The following SGCZ variants were observed in gnomAD, a reference collection of about 807,000 sequenced individuals.
SGCZ encodes the protein sarcoglycan zeta.
In SGCZ, 40 loss-of-function variants were observed where a neutral mutation model predicts 41.3. That is an observed-to-expected ratio of 0.97 (90% CI 0.75 to 1.26). SGCZ has a LOEUF of 1.26. Ranked by LOEUF, SGCZ falls within the 50% of genes most tolerant of loss-of-function variation. The pLI is 0.00. For missense variants in SGCZ, 552 were observed against 369.8 expected (o/e 1.49, Z -4.04); for synonymous variants, 206 against 137.5 (o/e 1.50, Z -3.49).
chr8:14,722,868 A>T (rs1471023066), intron 1 of SGCZ, among the ~76,000 whole-genome samples: 1 of 152,212 alleles, frequency 6.6e-6, no homozygotes, highest in Non-Finnish European at 1.5e-5. Flanking sequence ...ATGTGTGTAA[A>T]GTCGGAAATA....
At chr8:14,541,971 T>C (rs1318075535) in intron 2 of SGCZ, among the ~76,000 whole-genome samples, 1 of 152,174 alleles carries the variant, frequency 6.6e-6, no homozygotes, top group Non-Finnish European at 1.5e-5. Flanking sequence ...CACTTTTTGA[T>C]GAGGCTTTTT....
intron 7 of SGCZ, among the ~76,000 whole-genome samples, chr8:14,092,127 T>G (rs1006491049): frequency 6.6e-6 from 1 of 152,102 alleles, no homozygotes; most frequent in African/African-American, 2.4e-5. Flanking sequence ...CAGATGGTTG[T>G]AGATATCTAG....
rs151134428 is a variant in SGCZ, at chr8:14,721,558, A to G, written c.40-166632T>C. Among the ~76,000 whole-genome samples the G allele has an allele frequency of 2.8e-3, 420 of 152,290 alleles. 2 individuals are homozygous for G. Among genetic ancestry groups the G allele is most frequent in the Non-Finnish European group, 1.6e-3 (112 of 68,022 alleles). ...TAAATCCCACTGGCCTTTAAAGTAT[A>G]CACAGAATCCGTCTACTTCTCACCA... is the stretch of plus-strand genomic sequence containing the variant. On this transcript the variant is annotated intron_variant, in intron 1 of 7. Coordinates refer to ENST00000382080, the MANE Select transcript of SGCZ (RefSeq NM_139167.4).
chr8:14,950,504 C>T (rs1800598027), intron 1 of SGCZ, among the ~76,000 whole-genome samples: 5 of 152,016 alleles, frequency 3.3e-5, no homozygotes, highest in Admixed American at 3.3e-4. Flanking sequence ...ATATCTTTAA[C>T]TGTTGATAAT....
At chr8:14,678,971 C>A (rs1342232050) in intron 1 of SGCZ, among the ~76,000 whole-genome samples, 1 of 152,150 alleles carries the variant, frequency 6.6e-6, no homozygotes, top group Non-Finnish European at 1.5e-5. Context: ...AGCATACCAA[C>A]ATTTCAGTCA....
At chr8:15,047,781 A>G (rs1296474059) in intron 1 of SGCZ, among the ~76,000 whole-genome samples, 3 of 152,010 alleles carry the variant, frequency 2.0e-5, no homozygotes, top group Non-Finnish European at 4.4e-5. Context: ...CAATTATATA[A>G]CTTTTATCAT....
At chr8:14,265,928 A>C (rs2117248541) in intron 3 of SGCZ, among the ~76,000 whole-genome samples, 1 of 152,086 alleles carries the variant, frequency 6.6e-6, no homozygotes, top group African/African-American at 2.4e-5. Context: ...GAAAACACAC[A>C]GTCAGAAAAA....
chr8:15,003,609 G>A (rs1028166697), intron 1 of SGCZ, among the ~76,000 whole-genome samples: 5 of 152,144 alleles, frequency 3.3e-5, no homozygotes, highest in East Asian at 3.9e-4. Context: ...TACACAAATA[G>A]CACGTCAAAT....
chr8:14,223,780 T>A (rs1478721768), intron 4 of SGCZ, among the ~76,000 whole-genome samples: 1 of 152,168 alleles, frequency 6.6e-6, no homozygotes, highest in South Asian at 2.1e-4. Context: ...CTTTGGATAA[T>A]CATTCACACC....
chr8:14,102,852 C>T (rs937615495), intron 6 of SGCZ, among the ~76,000 whole-genome samples: 1 of 151,984 alleles, frequency 6.6e-6, no homozygotes, highest in Non-Finnish European at 1.5e-5. Flanking sequence ...TAATAACTTA[C>T]CAGTATATAA....
chr8:15,100,646 C>T (rs61693777), intron 1 of SGCZ, among the ~76,000 whole-genome samples: 1,997 of 152,186 alleles, frequency 0.013, 41 homozygotes, highest in African/African-American at 0.046. Flanking sequence ...CAACACAATA[C>T]TGAAGGAAAA....
intron 1 of SGCZ, among the ~76,000 whole-genome samples, chr8:15,164,157 C>T (rs1377840183): frequency 6.6e-6 from 1 of 152,160 alleles, no homozygotes; most frequent in Non-Finnish European, 1.5e-5. Flanking sequence ...GACAAAGAAC[C>T]GTGTCTTCAG....
At chr8:14,846,991 G>A (rs535895724) in intron 1 of SGCZ, among the ~76,000 whole-genome samples, 1 of 152,174 alleles carries the variant, frequency 6.6e-6, no homozygotes, top group East Asian at 1.9e-4. Flanking sequence ...AGAATTGCTT[G>A]AACCTGGGAG....
chr8:14,788,436 C>G (rs1800842947), intron 1 of SGCZ, among the ~76,000 whole-genome samples: 2 of 152,098 alleles, frequency 1.3e-5, no homozygotes, highest in South Asian at 4.1e-4. Flanking sequence ...TCAAATGACA[C>G]AAAAAGTGGA....
intron 4 of SGCZ, among the ~76,000 whole-genome samples, chr8:14,179,410 C>T (rs976441296): frequency 3.3e-5 from 5 of 152,154 alleles, no homozygotes; most frequent in Admixed American, 6.5e-5. Context: ...AAGACCAGTT[C>T]GCCTTTGCTT....
chr8:15,082,073 A>G (rs1170244479), intron 1 of SGCZ, among the ~76,000 whole-genome samples: 1 of 152,068 alleles, frequency 6.6e-6, no homozygotes, highest in African/African-American at 2.4e-5. Flanking sequence ...TACTAAAAAT[A>G]CAAAAATTAG....
chr8:14,940,974 CA>C lies in SGCZ; in HGVS notation c.39+296610del, dbSNP rs150721086. On this transcript the variant is annotated intron_variant, in intron 1 of 7. Coordinates refer to ENST00000382080, the MANE Select transcript of SGCZ (RefSeq NM_139167.4). ...GATAATTTATAATATCTGTTGTATGCAAAAAAAAGCAAATCTCTAATAAACA... is the reference window on the plus strand; with the variant it reads ...GATAATTTATAATATCTGTTGTATGCAAAAAAAGCAAATCTCTAATAAACA... 2.1e-4 allele frequency among the ~76,000 whole-genome samples: 32 copies of C among 150,934 alleles called. No individual in the cohort carries two copies. In the South Asian group the frequency reaches 4.4e-3, roughly 21 times the overall value.
intron 1 of SGCZ, among the ~76,000 whole-genome samples, chr8:14,838,342 C>T (rs935033849): frequency 6.6e-6 from 1 of 152,158 alleles, no homozygotes; most frequent in Admixed American, 6.5e-5. Flanking sequence ...TGAGAGACTG[C>T]CCCTCCTATA....
At chr8:14,486,042 A>G (rs561514989) in intron 2 of SGCZ, among the ~76,000 whole-genome samples, 5 of 152,188 alleles carry the variant, frequency 3.3e-5, no homozygotes, top group African/African-American at 1.2e-4. Context: ...GGGGTAGAAC[A>G]ATTTTTTTAG....
Sources: allele counts gnomAD v4.1 joint callset (sites outside exome capture counted in the v4.1 genomes callset), GRCh38; gene constraint gnomAD v4.1.1; transcripts MANE v1.5; gene names NCBI Gene and HGNC (gene_info 2026-07-23, HGNC 2026-07-21).